POLN: variants seen among roughly 807,000 people sequenced by gnomAD.
POLN encodes DNA polymerase N.
A neutral mutation model predicts 113.5 loss-of-function variants in POLN; 108 were observed. That is an observed-to-expected ratio of 0.95 (90% CI 0.81 to 1.12). POLN has a LOEUF of 1.12. POLN is among the 50% of genes most tolerant of loss of function. POLN has a pLI of 0.00. For synonymous variants in POLN, 386 were observed against 391.5 expected (o/e 0.99, Z 0.17); for missense variants, 1,097 against 1,077.1 (o/e 1.02, Z -0.26).
At chr4:2,081,170 G>A in intron 22 of POLN, 134 bp from the exon 23 acceptor site, 1 of 1,594,768 alleles carries the variant, frequency 6.3e-7, no homozygotes. Context: ...TGAGTGCCAG[G>A]GCCACAGATG....
At chr4:2,078,472 T>C in intron 23 of POLN, 2 of 663,688 alleles carry the variant, frequency 3.0e-6, no homozygotes, top group Non-Finnish European at 3.7e-6. Flanking sequence ...ATCTTCTTCT[T>C]CTTTTTTTTT....
At chr4:2,239,402 C>T (rs959155770) in intron 2 of POLN, among the ~76,000 whole-genome samples, 2 of 152,082 alleles carry the variant, frequency 1.3e-5, no homozygotes, top group Non-Finnish European at 2.9e-5. Flanking sequence ...TCCTAGTTGG[C>T]CAGTTGATTT....
intron 19 of POLN, among the ~76,000 whole-genome samples, chr4:2,124,306 C>G (rs1274440381): frequency 2.6e-5 from 4 of 152,136 alleles, no homozygotes; most frequent in African/African-American, 9.7e-5. Flanking sequence ...CAGGTTCTTG[C>G]TCTGTCGAGG....
chr4:2,156,689 G>T, intron 16 of POLN, 99 bp downstream of exon 16: 2 of 944,092 alleles, frequency 2.1e-6, no homozygotes, highest in Non-Finnish European at 3.5e-6. Flanking sequence ...GTCCCCTCTT[G>T]GAAACAGAAA....
chr4:2,172,755 A>G (rs2181396), intron 11 of POLN, among the ~76,000 whole-genome samples: 114,908 of 152,114 alleles, frequency 0.76, 45,829 homozygotes, highest in Non-Finnish European at 0.89. Flanking sequence ...GCCATTGGGC[A>G]TTATTGAATA....
At chr4:2,204,523 C>G (rs1183878981) in intron 5 of POLN, among the ~76,000 whole-genome samples, 1 of 152,158 alleles carries the variant, frequency 6.6e-6, no homozygotes, top group East Asian at 1.9e-4. Flanking sequence ...AAAGAAGAAT[C>G]AGTACTGATC....
intron 15 of POLN, 125 bp downstream of exon 15, chr4:2,157,722 CAAAAAAAAAAA>C (rs71644319): frequency 2.0e-4 from 27 of 134,684 alleles, no homozygotes; most frequent in South Asian, 2.9e-4. Flanking sequence ...GACTCTGTCT[CAAAAAAAAAAA>C]AAAAAAAAAA....
intron 21 of POLN, 108 bp downstream of exon 21, chr4:2,085,505 C>T: frequency 6.8e-7 from 1 of 1,465,032 alleles, no homozygotes; most frequent in Non-Finnish European, 9.3e-7. Flanking sequence ...GGCCCCCAAA[C>T]CAACCTCAGG....
intron 5 of POLN, among the ~76,000 whole-genome samples, chr4:2,207,357 A>G (rs1733872301): frequency 6.6e-6 from 1 of 151,960 alleles, no homozygotes; most frequent in Non-Finnish European, 1.5e-5. Flanking sequence ...AAGGAAAGGA[A>G]AAGGAAAAGG....
intron 20 of POLN, chr4:2,090,201 C>A: frequency 1.2e-6 from 1 of 838,230 alleles, no homozygotes; most frequent in South Asian, 1.6e-5. Flanking sequence ...TGCTATCTTT[C>A]CTGTAGATAC....
intron 7 of POLN, among the ~76,000 whole-genome samples, chr4:2,183,958 A>G (rs1266207577): frequency 1.3e-5 from 2 of 150,698 alleles, no homozygotes; most frequent in Non-Finnish European, 2.9e-5. Context: ...GGTTCAGGTG[A>G]TTCTTCTGCC....
intron 16 of POLN, among the ~76,000 whole-genome samples, chr4:2,145,154 TA>T: frequency 1.3e-5 from 2 of 152,056 alleles, no homozygotes; most frequent in Middle Eastern, 6.8e-3. Context: ...AGACTCAATG[TA>T]AAAAGTAACT....
intron 19 of POLN, among the ~76,000 whole-genome samples, chr4:2,097,507 T>A (rs367620048): frequency 6.6e-6 from 1 of 152,134 alleles, no homozygotes; most frequent in Non-Finnish European, 1.5e-5. Flanking sequence ...CCTGCCACCA[T>A]GCCCAGCTAA....
intron 6 of POLN, among the ~76,000 whole-genome samples, chr4:2,198,146 G>A (rs1733625585): frequency 6.6e-6 from 1 of 152,170 alleles, no homozygotes; most frequent in South Asian, 2.1e-4. Context: ...TTGTTTGCAG[G>A]CAGTGATAAC....
Position 2,127,149 on chromosome 4 carries a change from C to A in POLN, c.1982+964G>T, listed in dbSNP as rs550213820. On this transcript the variant is annotated intron_variant, in intron 19 of 25. Coordinates refer to ENST00000511885, the MANE Select transcript of POLN (RefSeq NM_181808.4). The surrounding 1 kb of genome is among the most constrained non-coding windows in gnomAD (Gnocchi z 4.7). Reference sequence around the variant, plus strand: ...CGGAGGGTAGGGAGGGGTGAGGGGGCCATAGGGAGGGGTGAGGGGGCCGTA... The same window carrying A: ...CGGAGGGTAGGGAGGGGTGAGGGGGACATAGGGAGGGGTGAGGGGGCCGTA... Among the ~76,000 whole-genome samples, 1 of 149,140 alleles carries A rather than the reference C, an allele frequency of 6.7e-6. No individual in the cohort carries two copies. The highest frequency in any genetic ancestry group is 2.5e-5 in the African/African-American group (1 of 40,320).
Position 2,126,577 on chromosome 4 carries a change from C to T in POLN, c.1982+1536G>A, listed in dbSNP as rs387928. Among the ~76,000 whole-genome samples, 7 of 151,944 alleles carry T rather than the reference C, an allele frequency of 4.6e-5. No homozygotes were observed. Among genetic ancestry groups the T allele is most frequent in the South Asian group, 4.2e-4 (2 of 4,798 alleles). The stretch of plus-strand genomic sequence containing the variant: ...GAGAGGAGCAGAGACCAGAGAGGAG[C>T]GGAGACCAGAGAGAAGCGGAGACCA... On this transcript the variant is annotated intron_variant, in intron 19 of 25. Coordinates refer to ENST00000511885, the MANE Select transcript of POLN (RefSeq NM_181808.4). The surrounding 1 kb of genome is among the most constrained non-coding windows in gnomAD (Gnocchi z 4.6).
chr4:2,100,962 A>C (rs1730907723), intron 19 of POLN, among the ~76,000 whole-genome samples: 1 of 152,228 alleles, frequency 6.6e-6, no homozygotes, highest in South Asian at 2.1e-4. Flanking sequence ...TACAGAGTAG[A>C]ACAGAGAGCC....
chr4:2,194,931 T>C lies in POLN; in HGVS notation c.909-1615A>G, dbSNP rs553777846. 2.1e-4 allele frequency among the ~76,000 whole-genome samples: 32 copies of C among 152,050 alleles called. 1 individual carries two copies. The South Asian group carries it at 6.2e-3, about 30-fold the overall frequency. On this transcript the variant is annotated intron_variant, in intron 6 of 25. Coordinates refer to ENST00000511885, the MANE Select transcript of POLN (RefSeq NM_181808.4). ...AAACATGTATTTATGTATATGTATA[T>C]ACATGCACACATACATATATATATT...
chr4:2,143,410 T>A (rs540305660), intron 16 of POLN, among the ~76,000 whole-genome samples: 8 of 152,180 alleles, frequency 5.3e-5, no homozygotes, highest in Non-Finnish European at 1.2e-4. Context: ...GGAAATGTTA[T>A]GAAAAATCAC....
Sources: gnomAD v4.1 joint callset for allele counts (sites outside exome capture counted in the v4.1 genomes callset) on GRCh38, gnomAD v4.1.1 for gene constraint, Gnocchi (gnomAD v3.1) non-coding constraint, MANE v1.5 for transcripts, NCBI Gene and HGNC (gene_info 2026-07-23, HGNC 2026-07-21) for gene names.